Variants in ROR1 observed in about 807,000 individuals in gnomAD.
ROR1 encodes inactive tyrosine-protein kinase transmembrane receptor ROR1.
A neutral mutation model predicts 78.8 loss-of-function variants in ROR1; 19 were observed. The observed-to-expected ratio is 0.24, with a 90% CI of 0.17 to 0.35. The LOEUF is 0.35. Among genes scored for constraint, ROR1 ranks in the 10% least tolerant of loss-of-function variants. ROR1 has a pLI of 1.00. For synonymous variants in ROR1, 386 were observed against 433.6 expected (o/e 0.89, Z 1.36); for missense variants, 917 against 1,177.8 (o/e 0.78, Z 3.24).
chr1:63,945,072 A>G (rs762623880), intron 1 of ROR1, among the ~76,000 whole-genome samples: 4 of 152,174 alleles, frequency 2.6e-5, no homozygotes, highest in Admixed American at 6.5e-5. Context: ...AGAAGGGTTG[A>G]AAATCATCGA....
At position 63,774,480 on chromosome 1, in the gene ROR1, G is replaced by T; in HGVS notation, c.63G>T (p.Leu21=). Residue 21 remains leucine, a synonymous_variant, in exon 1 of 9, where the codon CTG becomes CTT. Transcript: ENST00000371079. The surrounding 1 kb of genome is among the most constrained non-coding windows in gnomAD (Gnocchi z 5.7). ...TCCTGGCGCTGCTGGCCGCGCTGCT[G>T]CTGGCCGCACGCGGGGCTGCTGCCC... ...PPLLALLAAL[L]LAARGAAAQE... 8.6e-7 allele frequency: 1 copy of T among 1,158,240 alleles called. No individual in the cohort carries two copies. Among genetic ancestry groups the T allele is most frequent in the Middle Eastern group, 3.6e-4 (1 of 2,792 alleles). The allele number at this position is 1,158,240 out of a possible 1,614,324, so 71.7% of individuals were successfully genotyped here. A position where few individuals can be genotyped will look rare whatever the true frequency, so the allele number is the denominator to read the frequency against.
At chr1:63,828,673 C>T (rs914824240) in intron 1 of ROR1, among the ~76,000 whole-genome samples, 1 of 152,192 alleles carries the variant, frequency 6.6e-6, no homozygotes, top group Non-Finnish European at 1.5e-5. Flanking sequence ...ACCTAAGCAA[C>T]TAGATTGTAA....
intron 4 of ROR1, 40 bp from the exon 5 acceptor site, chr1:64,137,329 T>G: frequency 6.2e-7 from 1 of 1,611,924 alleles, no homozygotes; most frequent in Non-Finnish European, 8.5e-7. Context: ...CCTGTATGTA[T>G]GTGGTGCATC....
intron 7 of ROR1, among the ~76,000 whole-genome samples, chr1:64,156,896 C>T (rs1191193520): frequency 2.6e-5 from 4 of 152,030 alleles, no homozygotes; most frequent in African/African-American, 9.7e-5. Context: ...GAATGGTGGG[C>T]AAAAAGCAAG....
chr1:63,806,931 G>A (rs1644833511), intron 1 of ROR1, among the ~76,000 whole-genome samples: 1 of 151,942 alleles, frequency 6.6e-6, no homozygotes, highest in Non-Finnish European at 1.5e-5. Flanking sequence ...ACTCTTTTTT[G>A]AGGGCCTGTC....
intron 2 of ROR1, among the ~76,000 whole-genome samples, chr1:64,031,082 G>C (rs947228544): frequency 1.3e-5 from 2 of 152,130 alleles, no homozygotes; most frequent in African/African-American, 4.8e-5. Flanking sequence ...TTCCCAGGCT[G>C]GTCCTGAACT....
intron 1 of ROR1, among the ~76,000 whole-genome samples, chr1:63,881,243 G>A (rs1466814333): frequency 6.6e-6 from 1 of 152,062 alleles, no homozygotes; most frequent in African/African-American, 2.4e-5. Context: ...TTTTTGTTCA[G>A]GCACTGTCTC....
intron 1 of ROR1, among the ~76,000 whole-genome samples, chr1:63,883,413 CT>C (rs1330891577): frequency 6.6e-6 from 1 of 151,998 alleles, no homozygotes; most frequent in Admixed American, 6.6e-5. Context: ...CTCTCTCTCT[CT>C]TTTTATTTTT....
At chr1:64,144,382 G>A (rs984243856) in intron 7 of ROR1, among the ~76,000 whole-genome samples, 1 of 152,196 alleles carries the variant, frequency 6.6e-6, no homozygotes, top group African/African-American at 2.4e-5. Context: ...TTGGCATACA[G>A]ATGGCATGTA....
At chr1:64,038,450 C>G (rs1310121361) in intron 2 of ROR1, among the ~76,000 whole-genome samples, 1 of 152,174 alleles carries the variant, frequency 6.6e-6, no homozygotes, top group East Asian at 1.9e-4. Flanking sequence ...CTTGTACTTC[C>G]AAATTAGATC....
chr1:64,171,944 G>A lies in ROR1; in HGVS notation c.1387-5484G>A, dbSNP rs538485404. ...ACTTCCTTAAAGTAAGCAGGAAATA[G>A]GTTAGTAGTAGGCTGCTTCACCAGG... On this transcript the variant is annotated intron_variant, in intron 8 of 8. Coordinates refer to ENST00000371079, the MANE Select transcript of ROR1 (RefSeq NM_005012.4). 2.6e-5 allele frequency among the ~76,000 whole-genome samples: 4 copies of A among 152,296 alleles called. No individual in the cohort carries two copies. The South Asian group carries it at 6.2e-4, about 24-fold the overall frequency.
At chr1:63,928,776 G>A (rs760528956) in intron 1 of ROR1, among the ~76,000 whole-genome samples, 1 of 152,134 alleles carries the variant, frequency 6.6e-6, no homozygotes, top group Non-Finnish European at 1.5e-5. Flanking sequence ...GGAATAAATG[G>A]GTTAATACAA....
chr1:63,791,610 A>G (rs1280294104), intron 1 of ROR1, among the ~76,000 whole-genome samples: 1 of 151,986 alleles, frequency 6.6e-6, no homozygotes, highest in African/African-American at 2.4e-5. Flanking sequence ...TGAGACCCCC[A>G]TGCCTCATTG....
chr1:64,177,015 T>C (rs1650400704), intron 8 of ROR1, among the ~76,000 whole-genome samples: 1 of 152,226 alleles, frequency 6.6e-6, no homozygotes, highest in Non-Finnish European at 1.5e-5. Context: ...GGCTGTAGCC[T>C]CTGTGGTAGT....
At chr1:64,103,365 A>C (rs1207383785) in intron 4 of ROR1, among the ~76,000 whole-genome samples, 5 of 152,138 alleles carry the variant, frequency 3.3e-5, no homozygotes, top group Admixed American at 3.3e-4. Flanking sequence ...AAGGAACTAG[A>C]AAATCTCAAT....
intron 2 of ROR1, among the ~76,000 whole-genome samples, chr1:64,026,859 G>A (rs1004787599): frequency 6.6e-6 from 1 of 152,136 alleles, no homozygotes; most frequent in Non-Finnish European, 1.5e-5. Context: ...AACACATGGG[G>A]ATTATGGGGA....
intron 1 of ROR1, among the ~76,000 whole-genome samples, chr1:63,905,968 A>G (rs1227851503): frequency 6.6e-6 from 1 of 152,200 alleles, no homozygotes; most frequent in Non-Finnish European, 1.5e-5. Flanking sequence ...TATCATAATT[A>G]TTACTGATAA....
intron 2 of ROR1, 94 bp downstream of exon 2, chr1:64,009,470 G>A: frequency 2.0e-6 from 2 of 982,920 alleles, no homozygotes; most frequent in Non-Finnish European, 3.3e-6. Flanking sequence ...CTGTTTTTCA[G>A]ATCACTGCAA....
chr1:63,901,373 C>T (rs1201895016), intron 1 of ROR1, among the ~76,000 whole-genome samples: 1 of 152,096 alleles, frequency 6.6e-6, no homozygotes, highest in East Asian at 1.9e-4. Context: ...TTGTCCGGTT[C>T]CCCATTATCC....
Sources: gnomAD v4.1 joint callset for allele counts (sites outside exome capture counted in the v4.1 genomes callset) on GRCh38, gnomAD v4.1.1 for gene constraint, Gnocchi (gnomAD v3.1) non-coding constraint, MANE v1.5 for transcripts, NCBI Gene and HGNC (gene_info 2026-07-23, HGNC 2026-07-21) for gene names.